Variants in CDV3 observed in about 807,000 individuals in gnomAD.
CDV3 encodes CDV3 homolog.
A neutral mutation model predicts 24.5 loss-of-function variants in CDV3; 14 were observed. That is an observed-to-expected ratio of 0.57 (90% CI 0.38 to 0.89). The LOEUF (loss-of-function observed/expected upper bound fraction) is 0.89, where lower values mean the gene tolerates loss of function less well. Ranked by LOEUF, CDV3 falls within the 40% of genes least tolerant of loss-of-function variation. CDV3 has a pLI of 0.00. For synonymous variants in CDV3, 114 were observed against 114.1 expected (o/e 1.00, Z 0.00); for missense variants, 304 against 310.2 (o/e 0.98, Z 0.15).
At chr3:133,579,667 A>G (rs2074943006) in intron 2 of CDV3, among the ~76,000 whole-genome samples, 1 of 151,766 alleles carries the variant, frequency 6.6e-6, no homozygotes, top group Non-Finnish European at 1.5e-5. Context: ...ATCTCCGCTC[A>G]CTGCAACCTC....
intron 2 of CDV3, among the ~76,000 whole-genome samples, chr3:133,577,977 A>C (rs2074880744): frequency 6.6e-6 from 1 of 152,044 alleles, no homozygotes; most frequent in African/African-American, 2.4e-5. Context: ...TAGGCCCTGT[A>C]GGCCTCTTTC....
intron 1 of CDV3, 62 bp downstream of exon 1, chr3:133,574,346 C>T: frequency 2.2e-6 from 2 of 912,132 alleles, no homozygotes; most frequent in Non-Finnish European, 2.6e-6. Context: ...CATGTGCCCG[C>T]CCCCGCCTGC....
rs2074854207 is a variant in CDV3, at chr3:133,577,352, C to T, written c.317+2237C>T. On this transcript the variant is annotated intron_variant, in intron 2 of 4. Transcript: ENST00000264993. ...TACTGAGAGCTGCAGATGTCACATT[C>T]AGTCTTTTTTTCTTTTTTTTTTTTT... 1.4e-5 allele frequency among the ~76,000 whole-genome samples: 2 copies of T among 140,894 alleles called. 1 individual carries two copies. Among genetic ancestry groups the T allele is most frequent in the South Asian group, 4.5e-4 (2 of 4,446 alleles). The allele number at this position is 140,894 out of a possible 152,430, so 92.4% of individuals were successfully genotyped here.
At chr3:133,585,223 G>A (rs752528596) in intron 3 of CDV3, among the ~76,000 whole-genome samples, 4 of 151,972 alleles carry the variant, frequency 2.6e-5, no homozygotes, top group Non-Finnish European at 5.9e-5. Context: ...TTTTATTGTA[G>A]AGATGAGATC....
rs570495156 is a variant in CDV3 at position 133,587,065 on chromosome 3, T to G, written c.626+343T>G. 1.4e-5 allele frequency: 9 copies of G among 620,960 alleles called. No homozygotes were observed. In the Admixed American group the frequency reaches 2.6e-4, roughly 18 times the overall value. The allele number at this position is 620,960 out of a possible 1,614,324, so 38.5% of individuals were successfully genotyped here. On this transcript the variant is annotated intron_variant, in intron 4 of 4. Coordinates refer to ENST00000264993, the MANE Select transcript of CDV3 (RefSeq NM_017548.5). ...CCTTATAATATGGAAACTAGAAATA[T>G]AAAAGCGCTGTTTAATTGTATTCCC...
intron 2 of CDV3, among the ~76,000 whole-genome samples, chr3:133,579,415 G>C (rs940891493): frequency 2.0e-5 from 3 of 152,128 alleles, no homozygotes; most frequent in Admixed American, 2.0e-4. Context: ...CGTTTGGAAC[G>C]TGTTTCTTGT....
intron 1 of CDV3, chr3:133,574,655 C>T: frequency 9.7e-7 from 1 of 1,029,728 alleles, no homozygotes; most frequent in Middle Eastern, 4.9e-4. Flanking sequence ...GCTGAATTTT[C>T]GCTTTCAGCA....
At chr3:133,581,152 G>A (rs1273709855) in intron 2 of CDV3, among the ~76,000 whole-genome samples, 1 of 152,074 alleles carries the variant, frequency 6.6e-6, no homozygotes, top group African/African-American at 2.4e-5. Flanking sequence ...GGAGGCAGAG[G>A]TAGGAGGATC....
intron 3 of CDV3, among the ~76,000 whole-genome samples, chr3:133,584,756 T>G (rs6779085): frequency 1 from 152,248 of 152,248 alleles, 76,124 homozygotes; most frequent in Non-Finnish European, 1. Context: ...ATTCTCAAGG[T>G]GGTAAAAGTT....
At chr3:133,587,796 A>G in intron 4 of CDV3, 100 bp from the exon 5 acceptor site, 1 of 1,495,284 alleles carries the variant, frequency 6.7e-7, no homozygotes, top group South Asian at 1.4e-5. Flanking sequence ...CCTCCCCAGG[A>G]TTCTTCTAAG....
At chr3:133,574,973 T>G (rs1485608593) in intron 1 of CDV3, 66 bp from the exon 2 acceptor site, 6 of 978,046 alleles carry the variant, frequency 6.1e-6, no homozygotes, top group Non-Finnish European at 8.2e-6. Flanking sequence ...CTTTTCGTAG[T>G]GTGTTATTTG....
chr3:133,579,046 A>G (rs1170793286), intron 2 of CDV3, among the ~76,000 whole-genome samples: 1 of 152,200 alleles, frequency 6.6e-6, no homozygotes, highest in African/African-American at 2.4e-5. Flanking sequence ...CTAGAATCCC[A>G]CACTATTTTG....
chr3:133,586,026 G>A (rs983678836), intron 3 of CDV3, among the ~76,000 whole-genome samples: 7 of 152,214 alleles, frequency 4.6e-5, no homozygotes, highest in South Asian at 4.1e-4. Context: ...CATCATTTAC[G>A]TAGATTACTA....
At chr3:133,582,106 A>G (rs1182091947) in intron 2 of CDV3, among the ~76,000 whole-genome samples, 1 of 152,066 alleles carries the variant, frequency 6.6e-6, no homozygotes, top group Non-Finnish European at 1.5e-5. Context: ...TAGCCTCCAA[A>G]TTCTGCAGTC....
intron 3 of CDV3, among the ~76,000 whole-genome samples, chr3:133,585,335 C>T (rs757897138): frequency 1.3e-5 from 2 of 152,016 alleles, no homozygotes; most frequent in Admixed American, 6.6e-5. Context: ...TCACCACACC[C>T]GGTCTTATGT....
At chr3:133,579,228 C>G (rs2074927817) in intron 2 of CDV3, among the ~76,000 whole-genome samples, 1 of 152,148 alleles carries the variant, frequency 6.6e-6, no homozygotes, top group Non-Finnish European at 1.5e-5. Flanking sequence ...CATCATTATT[C>G]TCCTCACCTT....
At chr3:133,583,944 T>G in intron 2 of CDV3, 58 bp from the exon 3 acceptor site, 1 of 1,297,310 alleles carries the variant, frequency 7.7e-7, no homozygotes, top group African/African-American at 1.5e-5. Flanking sequence ...AAACTAACGA[T>G]TTGGACTGAA....
rs1416448071 is a variant in CDV3 at position 133,590,200 on chromosome 3, A to T, written c.*2154A>T. The T allele has an allele frequency of 1.3e-5, 2 of 152,198 alleles. No homozygotes were observed. Among genetic ancestry groups the T allele is most frequent in the Non-Finnish European group, 2.9e-5 (2 of 68,028 alleles). 9.4% of individuals were successfully genotyped at this position (152,198 alleles called of 1,614,324 possible). A position where few individuals can be genotyped will look rare whatever the true frequency, so the allele number is the denominator to read the frequency against. ...GTACCATTTGTTTGAATTCTCAGGC[A>T]TGGTTTGGCAGTGCAAGAATTCTGT... On this transcript the variant is annotated 3_prime_UTR_variant, in exon 5 of 5. Transcript: ENST00000264993.
chr3:133,586,819 T>G, intron 4 of CDV3, 97 bp downstream of exon 4: 1 of 725,180 alleles, frequency 1.4e-6, no homozygotes, highest in Non-Finnish European at 2.4e-6. Context: ...AGGGAGAGAC[T>G]ACTCCTTAAC....
Sources: gnomAD v4.1 joint callset for allele counts (sites outside exome capture counted in the v4.1 genomes callset) on GRCh38, gnomAD v4.1.1 for gene constraint, MANE v1.5 for transcripts, NCBI Gene and HGNC (gene_info 2026-07-23, HGNC 2026-07-21) for gene names.